Variants in NEGR1 observed in about 807,000 individuals in gnomAD.
NEGR1 encodes the protein IgLON family member 4.
Under a neutral mutation model 40.9 loss-of-function variants are expected in NEGR1, and 10 were observed. That is an observed-to-expected ratio of 0.24 (90% CI 0.15 to 0.42). The LOEUF is 0.42. NEGR1 is among the 10% of genes least tolerant of loss of function. The probability of loss-of-function intolerance (pLI) is 1.00; values close to 1 mark genes in which losing one functional copy is unlikely to be tolerated. For missense variants in NEGR1, 352 were observed against 438.9 expected (o/e 0.80, Z 1.77); for synonymous variants, 185 against 166.8 (o/e 1.11, Z -0.84).
At chr1:71,713,099 A>T (rs1374631030) in intron 3 of NEGR1, among the ~76,000 whole-genome samples, 1 of 152,222 alleles carries the variant, frequency 6.6e-6, no homozygotes, top group Non-Finnish European at 1.5e-5. Context: ...TGACTGCCTT[A>T]TCTTGGCACT....
intron 1 of NEGR1, among the ~76,000 whole-genome samples, chr1:72,083,284 C>T (rs1006335885): frequency 1.3e-5 from 2 of 151,990 alleles, no homozygotes; most frequent in Non-Finnish European, 2.9e-5. Context: ...TTCCCTCCCT[C>T]CCTCGCTCAT....
chr1:71,778,798 C>A (rs982930077), intron 2 of NEGR1, among the ~76,000 whole-genome samples: 3 of 152,190 alleles, frequency 2.0e-5, no homozygotes, highest in Non-Finnish European at 4.4e-5. Context: ...ACTGTCTGAT[C>A]AAAAAATAGT....
intron 6 of NEGR1, among the ~76,000 whole-genome samples, chr1:71,446,011 T>C (rs1405924893): frequency 6.6e-6 from 1 of 152,188 alleles, no homozygotes; most frequent in Non-Finnish European, 1.5e-5. Flanking sequence ...TTTTAAGAAA[T>C]TGTCAAAAGG....
chr1:72,236,129 G>T (rs911327829), intron 1 of NEGR1, among the ~76,000 whole-genome samples: 1 of 152,052 alleles, frequency 6.6e-6, no homozygotes, highest in African/African-American at 2.4e-5. Context: ...CATGCCATTT[G>T]CAGGAACATG....
At chr1:72,011,254 T>A (rs892341460) in intron 1 of NEGR1, among the ~76,000 whole-genome samples, 1 of 152,078 alleles carries the variant, frequency 6.6e-6, no homozygotes, top group Admixed American at 6.6e-5. Flanking sequence ...GCTCAGCATG[T>A]CTAAGAAGTT....
At chr1:71,613,668 A>T (rs74914146) in intron 4 of NEGR1, among the ~76,000 whole-genome samples, 6 of 152,116 alleles carry the variant, frequency 3.9e-5, no homozygotes, top group African/African-American at 1.2e-4. Flanking sequence ...AAAAAAAAAA[A>T]AAGAATTTTG....
At chr1:72,038,052 G>C (rs887585698) in intron 1 of NEGR1, among the ~76,000 whole-genome samples, 1 of 151,998 alleles carries the variant, frequency 6.6e-6, no homozygotes, top group Non-Finnish European at 1.5e-5. Context: ...CATATATCAG[G>C]ACTTAGTAAA....
At chr1:72,204,458 G>A (rs750790797) in intron 1 of NEGR1, among the ~76,000 whole-genome samples, 4 of 152,062 alleles carry the variant, frequency 2.6e-5, no homozygotes, top group Non-Finnish European at 4.4e-5. Context: ...AATAGTCATC[G>A]TATCAGTAGA....
chr1:72,081,131 G>C (rs959013575), intron 1 of NEGR1, among the ~76,000 whole-genome samples: 3 of 152,124 alleles, frequency 2.0e-5, no homozygotes, highest in Non-Finnish European at 4.4e-5. Flanking sequence ...CAGAAAAACA[G>C]AGGCAGGACT....
chr1:71,735,529 T>G (rs765542897), intron 3 of NEGR1, among the ~76,000 whole-genome samples: 1 of 151,952 alleles, frequency 6.6e-6, no homozygotes, highest in Non-Finnish European at 1.5e-5. Context: ...TTACATGATT[T>G]ATAGAAAAAC....
At chr1:71,618,830 A>G (rs1394115437) in intron 4 of NEGR1, among the ~76,000 whole-genome samples, 14 of 152,068 alleles carry the variant, frequency 9.2e-5, no homozygotes, top group Admixed American at 9.2e-4. Context: ...TTCCAAACTT[A>G]TGTGGTCACA....
chr1:71,884,933 T>C (rs1660684657), intron 2 of NEGR1, among the ~76,000 whole-genome samples: 1 of 152,218 alleles, frequency 6.6e-6, no homozygotes, highest in Admixed American at 6.5e-5. Flanking sequence ...TTCTGAGGGT[T>C]CCACTTTTAC....
intron 4 of NEGR1, among the ~76,000 whole-genome samples, chr1:71,613,965 A>G (rs1000626407): frequency 1.3e-5 from 2 of 152,158 alleles, no homozygotes; most frequent in Non-Finnish European, 2.9e-5. Flanking sequence ...TGAAAACTAT[A>G]AAAACTCTTA....
At chr1:72,054,528 A>G (rs960059259) in intron 1 of NEGR1, among the ~76,000 whole-genome samples, 1 of 151,266 alleles carries the variant, frequency 6.6e-6, no homozygotes, top group Admixed American at 6.6e-5. Context: ...AAACACATTC[A>G]ATTTATATCT....
chr1:71,688,872 C>A (rs1653156622), intron 4 of NEGR1, among the ~76,000 whole-genome samples: 2 of 152,246 alleles, frequency 1.3e-5, no homozygotes, highest in Non-Finnish European at 2.9e-5. Context: ...CACAACCAAT[C>A]TTTAAGGTGT....
At chr1:72,158,380 GC>G (rs893381657) in intron 1 of NEGR1, among the ~76,000 whole-genome samples, 1 of 151,970 alleles carries the variant, frequency 6.6e-6, no homozygotes, top group Non-Finnish European at 1.5e-5. Context: ...TGTAGCTCTT[GC>G]CCAGCTGCCC....
chr1:72,099,781 A>C (rs1044217215), intron 1 of NEGR1, among the ~76,000 whole-genome samples: 1 of 151,852 alleles, frequency 6.6e-6, no homozygotes, highest in African/African-American at 2.4e-5. Context: ...GTTCTACATA[A>C]ATTTATTATT....
At chr1:71,425,884 C>G (rs900021322) in intron 6 of NEGR1, among the ~76,000 whole-genome samples, 1 of 152,112 alleles carries the variant, frequency 6.6e-6, no homozygotes, top group African/African-American at 2.4e-5. Flanking sequence ...ACAAAAAACA[C>G]CAAACATTCC....
intron 2 of NEGR1, among the ~76,000 whole-genome samples, chr1:71,777,122 A>T (rs570700492): frequency 1.3e-5 from 2 of 152,268 alleles, no homozygotes; most frequent in South Asian, 4.1e-4. Context: ...AACTTCCAGG[A>T]TTAAATTTCT....
Sources: allele counts gnomAD v4.1 joint callset (sites outside exome capture counted in the v4.1 genomes callset), GRCh38; gene constraint gnomAD v4.1.1; transcripts MANE v1.5; gene names NCBI Gene and HGNC (gene_info 2026-07-23, HGNC 2026-07-21).